The following COL4A5 variants were observed in gnomAD, a reference collection of about 807,000 sequenced individuals.
COL4A5 encodes collagen alpha-5(IV) chain.
COL4A5 carries 26 observed loss-of-function variants against 130.2 expected under a neutral mutation model. The observed-to-expected ratio is 0.20, with a 90% CI of 0.15 to 0.28. The LOEUF (loss-of-function observed/expected upper bound fraction) is 0.28. Among genes scored for constraint, COL4A5 ranks in the 10% least tolerant of loss-of-function variants. The probability of loss-of-function intolerance (pLI) is 1.00; values close to 1 mark genes in which losing one functional copy is unlikely to be tolerated. For synonymous variants in COL4A5, 496 were observed against 439.6 expected (o/e 1.13, Z -1.60); for missense variants, 1,131 against 1,344.3 (o/e 0.84, Z 2.48).
chrX:108,460,891 T>A (rs967394151), intron 1 of COL4A5, among the ~76,000 whole-genome samples: 2 of 109,607 alleles, frequency 1.8e-5, no homozygotes, highest in African/African-American at 6.6e-5. Context: ...GTGAATAAAT[T>A]CATTCTTAGC....
intron 36 of COL4A5, among the ~76,000 whole-genome samples, chrX:108,641,348 G>C (rs763798285): frequency 8.9e-6 from 1 of 111,820 alleles, no homozygotes; most frequent in East Asian, 2.8e-4. Flanking sequence ...CTATCCCAGA[G>C]AAAATTGAGG....
intron 1 of COL4A5, among the ~76,000 whole-genome samples, chrX:108,486,386 T>A (rs2064945001): frequency 2.7e-5 from 3 of 111,855 alleles, no homozygotes; most frequent in African/African-American, 9.8e-5. Context: ...TATTCTACTA[T>A]CTTGCTCCAC....
intron 1 of COL4A5, among the ~76,000 whole-genome samples, chrX:108,499,965 A>C (rs2065065580): frequency 8.9e-6 from 1 of 111,806 alleles, no homozygotes; most frequent in Non-Finnish European, 1.9e-5. Context: ...AGGCAGACAG[A>C]CTGATGGACT....
At chrX:108,611,665 C>G (rs1380298286) in intron 29 of COL4A5, among the ~76,000 whole-genome samples, 1 of 110,385 alleles carries the variant, frequency 9.1e-6, no homozygotes, top group Non-Finnish European at 1.9e-5. Flanking sequence ...AGTTAGAAAC[C>G]CACCAACAAA....
At chrX:108,690,076 ATTACT>A in intron 49 of COL4A5, 1 of 702,507 alleles carries the variant, frequency 1.4e-6, no homozygotes, top group African/African-American at 2.3e-5. Flanking sequence ...GTTTTTTTAA[ATTACT>A]TTATAATGTA....
chrX:108,440,176 G>T lies in COL4A5; in HGVS notation c.51G>T (p.Leu17=), dbSNP rs2064373024. The change falls in exon 1 of 53, where the codon CTG becomes CTT. Residue 17 remains leucine (L), a synonymous_variant. Coordinates refer to ENST00000328300, the MANE Select transcript of COL4A5 (RefSeq NM_033380.3). ...CTGCCGGCTTGTTCTTACTGGCCCT[G>T]AGTCTTTGGGGGCAGCCTGCAGAGG... is the stretch of plus-strand genomic sequence containing the variant. ...SLAAGLFLLA[L]SLWGQPAEAA... 1 of 1,207,482 alleles carries T rather than the reference G, an allele frequency of 8.3e-7. No homozygotes were observed. The highest frequency in any genetic ancestry group is 1.1e-6 in the Non-Finnish European group (1 of 893,111).
At chrX:108,621,047 T>A (rs1319832520) in intron 31 of COL4A5, among the ~76,000 whole-genome samples, 1 of 110,735 alleles carries the variant, frequency 9.0e-6, no homozygotes. Flanking sequence ...TCTTTCTCTT[T>A]CTTTCTCTTT....
At chrX:108,575,221 TC>T (rs764918050) in intron 9 of COL4A5, among the ~76,000 whole-genome samples, 5 of 111,948 alleles carry the variant, frequency 4.5e-5, no homozygotes, top group Non-Finnish European at 9.4e-5. Context: ...TTATAATTTA[TC>T]CCAGTTCCTC....
At chrX:108,515,712 CAT>C (rs1225760480) in intron 1 of COL4A5, among the ~76,000 whole-genome samples, 2 of 111,639 alleles carry the variant, frequency 1.8e-5, no homozygotes, top group Non-Finnish European at 3.8e-5. Context: ...TTGAGGAAGT[CAT>C]ATGTTTTCTA....
chrX:108,566,742 G>A (rs1603278394), intron 4 of COL4A5, among the ~76,000 whole-genome samples: 1 of 110,161 alleles, frequency 9.1e-6, no homozygotes, highest in East Asian at 2.9e-4. Flanking sequence ...TTAGAGACGG[G>A]GTTTCACTGT....
At chrX:108,627,872 C>A (rs975652989) in intron 36 of COL4A5, among the ~76,000 whole-genome samples, 1 of 110,398 alleles carries the variant, frequency 9.1e-6, no homozygotes, top group Non-Finnish European at 1.9e-5. Flanking sequence ...TTTTTACATC[C>A]AAAATATCTA....
At chrX:108,667,970 A>G (rs2068118942) in intron 40 of COL4A5, among the ~76,000 whole-genome samples, 1 of 111,744 alleles carries the variant, frequency 8.9e-6, no homozygotes. Flanking sequence ...TATTTGTTTT[A>G]GAAATTTCCT....
intron 4 of COL4A5, among the ~76,000 whole-genome samples, chrX:108,565,403 C>G (rs1261327944): frequency 8.9e-6 from 1 of 112,211 alleles, no homozygotes; most frequent in Non-Finnish European, 1.9e-5. Context: ...TACCTTACCA[C>G]TTTATTTTTT....
At chrX:108,685,130 A>C (rs1206522877) in intron 47 of COL4A5, among the ~76,000 whole-genome samples, 1 of 112,286 alleles carries the variant, frequency 8.9e-6, no homozygotes, top group Non-Finnish European at 1.9e-5. Context: ...ATTTATGACA[A>C]ACCCACAGCC....
chrX:108,492,741 C>A (rs1445963715), intron 1 of COL4A5, among the ~76,000 whole-genome samples: 2 of 111,177 alleles, frequency 1.8e-5, no homozygotes, highest in Non-Finnish European at 3.8e-5. Context: ...TGCATTATAA[C>A]CTTAAGTTAA....
intron 1 of COL4A5, among the ~76,000 whole-genome samples, chrX:108,466,875 G>A (rs771682453): frequency 3.4e-4 from 38 of 110,818 alleles, no homozygotes; most frequent in Non-Finnish European, 6.2e-4. Flanking sequence ...TTTCAAGTTG[G>A]GCCGTTTATC....
At chrX:108,582,624 A>T in intron 16 of COL4A5, 1 of 353,013 alleles carries the variant, frequency 2.8e-6, no homozygotes, top group Non-Finnish European at 5.0e-6. Context: ...AAATGCCATA[A>T]ATCTCTGAGA....
intron 2 of COL4A5, among the ~76,000 whole-genome samples, chrX:108,547,319 C>T (rs1467510673): frequency 8.9e-6 from 1 of 111,970 alleles, no homozygotes; most frequent in African/African-American, 3.2e-5. Flanking sequence ...GTTAGTTTTC[C>T]TTCTAACAGT....
At chrX:108,555,912 G>A (rs1276307035) in intron 2 of COL4A5, among the ~76,000 whole-genome samples, 1 of 112,080 alleles carries the variant, frequency 8.9e-6, no homozygotes, top group East Asian at 2.8e-4. Flanking sequence ...TGACAAAAGT[G>A]TATGCCATAT....
Sources: gnomAD v4.1 joint callset for allele counts (sites outside exome capture counted in the v4.1 genomes callset) on GRCh38, gnomAD v4.1.1 for gene constraint, MANE v1.5 for transcripts, NCBI Gene and HGNC (gene_info 2026-07-23, HGNC 2026-07-21) for gene names.